The following AGMO variants were observed in gnomAD, a reference collection of about 807,000 sequenced individuals.
The protein encoded by AGMO is alkylglycerol monooxygenase.
Under a neutral mutation model 60.2 loss-of-function variants are expected in AGMO, and 75 were observed. That is an observed-to-expected ratio of 1.25 (90% CI 1.03 to 1.51). AGMO has a LOEUF of 1.51. Ranked by LOEUF, AGMO falls within the 40% of genes most tolerant of loss-of-function variation. AGMO has a pLI of 0.00. For synonymous variants in AGMO, 261 were observed against 177.1 expected (o/e 1.47, Z -3.76); for missense variants, 763 against 525.5 (o/e 1.45, Z -4.42).
At chr7:15,311,898 A>T (rs1780777615) in intron 12 of AGMO, among the ~76,000 whole-genome samples, 2 of 152,194 alleles carry the variant, frequency 1.3e-5, no homozygotes, top group African/African-American at 2.4e-5. Flanking sequence ...TTAAGAAGAC[A>T]GAGATGCTAG....
intron 12 of AGMO, among the ~76,000 whole-genome samples, chr7:15,218,833 G>C (rs1445918957): frequency 6.6e-6 from 1 of 152,002 alleles, no homozygotes; most frequent in African/African-American, 2.4e-5. Flanking sequence ...AGAAAAGACA[G>C]GCCTGACTCT....
intron 5 of AGMO, among the ~76,000 whole-genome samples, chr7:15,405,869 G>C (rs1784671965): frequency 6.6e-6 from 1 of 151,754 alleles, no homozygotes. Context: ...GCTAAAATAG[G>C]ACAGATTTCT....
chr7:15,202,187 C>T (rs1364068379), intron 12 of AGMO, among the ~76,000 whole-genome samples: 6 of 151,908 alleles, frequency 3.9e-5, no homozygotes. Flanking sequence ...TATGTGTATA[C>T]TTCCCCTCCA....
rs185981983 is a variant in AGMO at position 15,389,624 on chromosome 7, A to G, written c.822+1047T>C. 7.2e-3 allele frequency among the ~76,000 whole-genome samples: 1,102 copies of G among 152,346 alleles called. 9 individuals are homozygous for G. Among genetic ancestry groups the G allele is most frequent in the African/African-American group, 0.024 (991 of 41,580 alleles). On this transcript the variant is annotated intron_variant, in intron 8 of 12. Coordinates refer to ENST00000342526, the MANE Select transcript of AGMO (RefSeq NM_001004320.2). ...GTTATGGCCCTTTACGTAAAGAGGCAGCACTGTGTATCAGTTAAATTGAGT... is the reference window on the plus strand; with the variant it reads ...GTTATGGCCCTTTACGTAAAGAGGCGGCACTGTGTATCAGTTAAATTGAGT...
chr7:15,286,900 CAG>C (rs1316809541), intron 12 of AGMO, among the ~76,000 whole-genome samples: 2 of 151,956 alleles, frequency 1.3e-5, no homozygotes, highest in African/African-American at 4.8e-5. Flanking sequence ...GCCATAAAAA[CAG>C]AATGAAATAA....
At chr7:15,444,630 A>G (rs960030581) in intron 3 of AGMO, among the ~76,000 whole-genome samples, 1 of 152,098 alleles carries the variant, frequency 6.6e-6, no homozygotes, top group East Asian at 1.9e-4. Context: ...CTCTGCTCCA[A>G]CTGGGTGCAT....
At chr7:15,450,382 T>C (rs796993359) in intron 3 of AGMO, among the ~76,000 whole-genome samples, 1 of 148,204 alleles carries the variant, frequency 6.7e-6, no homozygotes, top group East Asian at 2.0e-4. Flanking sequence ...ATCACGCCAC[T>C]GCACTCCAGC....
chr7:15,352,750 C>T (rs528071947), intron 12 of AGMO, among the ~76,000 whole-genome samples: 9 of 151,530 alleles, frequency 5.9e-5, no homozygotes, highest in African/African-American at 2.2e-4. Flanking sequence ...TTTTTCTCAG[C>T]GACAGGATTC....
intron 12 of AGMO, among the ~76,000 whole-genome samples, chr7:15,260,871 A>G (rs1783247188): frequency 6.6e-6 from 1 of 152,068 alleles, no homozygotes; most frequent in Non-Finnish European, 1.5e-5. Context: ...AACCCTCAAA[A>G]CCACGCAAAT....
the AGMO span, among the ~76,000 whole-genome samples, chr7:15,128,960 T>C: frequency 6.6e-6 from 1 of 152,040 alleles, no homozygotes; most frequent in African/African-American, 2.4e-5. Flanking sequence ...AAGAGCTTTA[T>C]AGTGAAAAAA....
chr7:15,414,926 T>C (rs1780715227), intron 5 of AGMO, among the ~76,000 whole-genome samples: 2 of 152,120 alleles, frequency 1.3e-5, no homozygotes, highest in Admixed American at 1.3e-4. Flanking sequence ...GGGGCTATAG[T>C]GGTTATGTAC....
At chr7:15,555,940 T>C (rs577717802) in intron 2 of AGMO, among the ~76,000 whole-genome samples, 1 of 152,142 alleles carries the variant, frequency 6.6e-6, no homozygotes, top group South Asian at 2.1e-4. Flanking sequence ...TTTAAATAAT[T>C]ATTTCTAAGT....
chr7:15,295,285 ATC>A (rs1409743628), intron 12 of AGMO, among the ~76,000 whole-genome samples: 1 of 152,070 alleles, frequency 6.6e-6, no homozygotes, highest in African/African-American at 2.4e-5. Context: ...AGAGAAATGT[ATC>A]TATTTATTTC....
intron 8 of AGMO, among the ~76,000 whole-genome samples, chr7:15,389,504 A>G (rs1013276429): frequency 6.6e-6 from 1 of 152,194 alleles, no homozygotes; most frequent in African/African-American, 2.4e-5. Context: ...TAGAAATGCC[A>G]TATAGTTGAG....
intron 6 of AGMO, among the ~76,000 whole-genome samples, chr7:15,392,645 A>C (rs1418511501): frequency 6.6e-6 from 1 of 152,052 alleles, no homozygotes. Context: ...CTAAAAATAC[A>C]AAAATTAACC....
intron 12 of AGMO, among the ~76,000 whole-genome samples, chr7:15,339,147 A>C (rs1346903839): frequency 6.6e-6 from 1 of 152,174 alleles, no homozygotes; most frequent in Admixed American, 6.5e-5. Context: ...ACCATGAATA[A>C]GTCCTACAAG....
the AGMO span, among the ~76,000 whole-genome samples, chr7:15,122,623 C>A: frequency 6.6e-4 from 101 of 152,220 alleles, no homozygotes; most frequent in African/African-American, 2.4e-3. Flanking sequence ...CATTTCTACC[C>A]TTTCGCTTGC....
chr7:15,502,482 G>T (rs1461099402), intron 3 of AGMO, among the ~76,000 whole-genome samples: 2 of 151,932 alleles, frequency 1.3e-5, no homozygotes, highest in Non-Finnish European at 2.9e-5. Context: ...CAGCATATGG[G>T]GTCAGATCTC....
rs888426348 is a variant in AGMO, at chr7:15,365,583, C to A, written c.1194G>T (p.Leu398Phe). The change falls in exon 12 of 13, where the codon TTG (leucine) becomes TTT (phenylalanine). Residue 398 changes from leucine (L) to phenylalanine (F), a missense_variant. By Grantham distance (22) the Leu-to-Phe change is conservative. Coordinates refer to ENST00000342526, the MANE Select transcript of AGMO (RefSeq NM_001004320.2). The stretch of plus-strand genomic sequence containing the variant: ...CAAATCGGTACAGCATTAAGAACAT[C>A]AAGCAACGGAGAGTTTCCATAATAG... ...KAAIMETLRC[L>F]MFLMLYRFGH... The A allele has an allele frequency of 1.9e-6, 3 of 1,612,602 alleles. No homozygotes were observed. In the African/African-American group the frequency reaches 4.0e-5, roughly 22 times the overall value.
Sources: gnomAD v4.1 joint callset for allele counts (sites outside exome capture counted in the v4.1 genomes callset) on GRCh38, gnomAD v4.1.1 for gene constraint, MANE v1.5 for transcripts, NCBI Gene and HGNC (gene_info 2026-07-23, HGNC 2026-07-21) for gene names.